Variants in CREB5 observed in about 807,000 individuals in gnomAD.
The protein encoded by CREB5 is cyclic AMP-responsive element-binding protein 5.
CREB5 carries 19 observed loss-of-function variants against 57.1 expected under a neutral mutation model. The ratio of observed to expected loss-of-function variants is 0.33; its 90% CI spans 0.23 to 0.49. The LOEUF is 0.49. CREB5 is among the 20% of genes least tolerant of loss of function. The pLI is 0.99. For missense variants in CREB5, 579 were observed against 671.6 expected (o/e 0.86, Z 1.52); for synonymous variants, 238 against 238.3 (o/e 1.00, Z 0.01).
chr7:28,428,395 G>A (rs185728747), intron 1 of CREB5, among the ~76,000 whole-genome samples: 17 of 152,246 alleles, frequency 1.1e-4, no homozygotes, highest in African/African-American at 3.4e-4. Context: ...CTGTGTAGGA[G>A]CAAGGGTGGC....
intron 1 of CREB5, among the ~76,000 whole-genome samples, chr7:28,332,845 A>G (rs1785743118): frequency 6.6e-6 from 1 of 152,186 alleles, no homozygotes; most frequent in African/African-American, 2.4e-5. Flanking sequence ...ATGGATTCCT[A>G]TAATGTATTT....
chr7:28,580,457 A>ACACACACACC (rs1489287561), intron 5 of CREB5, among the ~76,000 whole-genome samples: 1 of 150,182 alleles, frequency 6.7e-6, no homozygotes, highest in Non-Finnish European at 1.5e-5. Flanking sequence ...ACACACACAC[A>ACACACACACC]CACACAATAG....
intron 5 of CREB5, among the ~76,000 whole-genome samples, chr7:28,642,971 C>CACACAT (rs1554279297): frequency 7.4e-5 from 6 of 81,342 alleles, no homozygotes; most frequent in Non-Finnish European, 8.2e-5. Context: ...CACACACACA[C>CACACAT]ACACACACAC....
intron 4 of CREB5, among the ~76,000 whole-genome samples, chr7:28,562,422 T>C (rs1278744344): frequency 2.0e-5 from 3 of 152,222 alleles, no homozygotes; most frequent in African/African-American, 7.2e-5. Context: ...CAGAGCTCCA[T>C]TGCCTCAAAC....
intron 1 of CREB5, among the ~76,000 whole-genome samples, chr7:28,359,196 A>C (rs1273586098): frequency 6.7e-6 from 1 of 148,980 alleles, no homozygotes; most frequent in African/African-American, 2.5e-5. Flanking sequence ...ACAAAAACCC[A>C]AAAAAGCGAA....
intron 4 of CREB5, among the ~76,000 whole-genome samples, chr7:28,516,298 T>G (rs917562850): frequency 6.6e-6 from 1 of 152,106 alleles, no homozygotes; most frequent in African/African-American, 2.4e-5. Context: ...CTCCAAATAT[T>G]ATCATTGTTA....
intron 1 of CREB5, among the ~76,000 whole-genome samples, chr7:28,371,299 T>C (rs1786700038): frequency 6.6e-6 from 1 of 151,624 alleles, no homozygotes; most frequent in Non-Finnish European, 1.5e-5. Context: ...TGAAAGCCCA[T>C]CTCTACTAAA....
chr7:28,431,070 G>T lies in CREB5; in HGVS notation c.3+18153G>T, dbSNP rs922729692. ...CTTTCCATAGGGGAGCTTACAGTATGACAGCTGGCTTCCCCAGGAGCAAGC... is the reference window on the plus strand; with the variant it reads ...CTTTCCATAGGGGAGCTTACAGTATTACAGCTGGCTTCCCCAGGAGCAAGC... On this transcript the variant is annotated intron_variant, in intron 1 of 10. Coordinates refer to ENST00000357727, the MANE Select transcript of CREB5 (RefSeq NM_182898.4). 2.0e-5 allele frequency among the ~76,000 whole-genome samples: 3 copies of T among 152,200 alleles called. No individual in the cohort carries two copies. In the East Asian group the frequency reaches 5.8e-4, roughly 29 times the overall value.
intron 4 of CREB5, among the ~76,000 whole-genome samples, chr7:28,518,059 A>G (rs906814480): frequency 6.6e-6 from 1 of 152,062 alleles, no homozygotes; most frequent in African/African-American, 2.4e-5. Flanking sequence ...TCTGGTGCTG[A>G]GGGTGGGGGA....
rs544109838 is a variant in CREB5 at position 28,776,416 on chromosome 7, T to C, written c.703-27783T>C. On this transcript the variant is annotated intron_variant, in intron 7 of 10. Transcript: ENST00000357727. ...TCTCACCCATTATATTCAGAAAACT[T>C]TGAATTTTTTTAGTTCAGAATTTGA... 2.0e-3 allele frequency among the ~76,000 whole-genome samples: 301 copies of C among 152,266 alleles called. 2 individuals carry two copies. The highest frequency in any genetic ancestry group is 3.7e-3 in the Non-Finnish European group (250 of 68,014).
chr7:28,391,091 A>T, intron 1 of CREB5, among the ~76,000 whole-genome samples: 1 of 152,218 alleles, frequency 6.6e-6, no homozygotes, highest in East Asian at 1.9e-4. Flanking sequence ...ATCCTAGCAC[A>T]TTGGCTATTC....
rs1397319492 is a variant in CREB5 at position 28,821,843 on chromosome 7, CA to C, written c.*2569del. 6.6e-6 allele frequency: 1 copy of C among 152,500 alleles called. No individual in the cohort carries two copies. The highest frequency in any genetic ancestry group is 1.5e-5 in the Non-Finnish European group (1 of 68,006). The allele number at this position is 152,500 out of a possible 1,614,324, so 9.4% of individuals were successfully genotyped here. Reference sequence around the variant, plus strand: ...TATGTTTTGCTTTGTTTTAAGTAAACAAAAATTTTTCTTTCTTTACTGCATG... The same window carrying C: ...TATGTTTTGCTTTGTTTTAAGTAAACAAAATTTTTCTTTCTTTACTGCATG... On this transcript the variant is annotated 3_prime_UTR_variant, in exon 11 of 11. Coordinates refer to ENST00000357727, the MANE Select transcript of CREB5 (RefSeq NM_182898.4).
In CREB5 at chr7:28,560,921, TGC is replaced by T. The variant is rs1203532865; in HGVS notation, c.292-9440_292-9439del. Among the ~76,000 whole-genome samples, 289 of 40,540 alleles carry T rather than the reference TGC, an allele frequency of 7.1e-3. 26 individuals carry two copies. The highest frequency in any genetic ancestry group is 0.023 in the African/African-American group (192 of 8,418). 26.6% of individuals were successfully genotyped at this position (40,540 alleles called of 152,430 possible). ...GCGTGCGCGCGTGCGTGTGCGTGTG[TGC>T]GCGTGCGTGTGTGCGTGCGTGTGTG... On this transcript the variant is annotated intron_variant, in intron 4 of 10. Coordinates refer to ENST00000357727, the MANE Select transcript of CREB5 (RefSeq NM_182898.4).
intron 9 of CREB5, among the ~76,000 whole-genome samples, chr7:28,814,898 C>T (rs1226873388): frequency 1.3e-5 from 2 of 152,184 alleles, no homozygotes; most frequent in South Asian, 2.1e-4. Flanking sequence ...AAGCTGATTG[C>T]CCTTCTCTAC....
intron 5 of CREB5, among the ~76,000 whole-genome samples, chr7:28,579,573 T>C (rs978617793): frequency 1.3e-5 from 2 of 152,130 alleles, no homozygotes; most frequent in African/African-American, 4.8e-5. Flanking sequence ...TTTTGCAGGG[T>C]CACAGAACTT....
chr7:28,389,745 A>C (rs1271562642), intron 1 of CREB5, among the ~76,000 whole-genome samples: 6 of 152,032 alleles, frequency 3.9e-5, no homozygotes, highest in Non-Finnish European at 5.9e-5. Flanking sequence ...AGTAACTATT[A>C]AGCTGTCTAA....
At chr7:28,347,904 C>T (rs1408425392) in intron 1 of CREB5, among the ~76,000 whole-genome samples, 1 of 152,168 alleles carries the variant, frequency 6.6e-6, no homozygotes, top group Admixed American at 6.5e-5. Flanking sequence ...GTAAGCAGAG[C>T]CCTCCCTCCT....
chr7:28,459,001 G>T (rs554290954), intron 1 of CREB5, among the ~76,000 whole-genome samples: 2 of 152,278 alleles, frequency 1.3e-5, no homozygotes, highest in South Asian at 4.1e-4. Context: ...GGTCGATGTT[G>T]TGCAGATCTG....
chr7:28,429,362 A>C (rs1000515647), intron 1 of CREB5, among the ~76,000 whole-genome samples: 1 of 152,210 alleles, frequency 6.6e-6, no homozygotes, highest in African/African-American at 2.4e-5. Flanking sequence ...CCAGAATCTA[A>C]AATCTGAAAT....
Sources: allele counts gnomAD v4.1 joint callset (sites outside exome capture counted in the v4.1 genomes callset), GRCh38; gene constraint gnomAD v4.1.1; transcripts MANE v1.5; gene names NCBI Gene and HGNC (gene_info 2026-07-23, HGNC 2026-07-21).